Variants in FAM184B observed in about 807,000 individuals in gnomAD.
FAM184B encodes the protein protein FAM184B.
FAM184B carries 111 observed loss-of-function variants against 135.9 expected under a neutral mutation model. That is an observed-to-expected ratio of 0.82 (90% confidence interval 0.70 to 0.96). The LOEUF is 0.96. Ranked by LOEUF, FAM184B falls within the 40% of genes least tolerant of loss-of-function variation. The pLI is 0.00. For synonymous variants in FAM184B, 552 were observed against 524.8 expected (o/e 1.05, Z -0.71); for missense variants, 1,375 against 1,323.9 (o/e 1.04, Z -0.60).
chr4:17,693,443 A>G lies in FAM184B; in HGVS notation c.1378-31T>C, dbSNP rs1188679108. ...TGATGATTGGAAGAGTTAACCATAC[A>G]AGGCACGAAAACAGGACACTTAATG... On this transcript the variant is annotated intron_variant, in intron 5 of 17. Transcript: ENST00000265018. 5 of 1,526,828 alleles carry G rather than the reference A, an allele frequency of 3.3e-6. No individual in the cohort carries two copies. In the South Asian group the frequency reaches 6.0e-5, roughly 18 times the overall value. 94.6% of individuals were successfully genotyped at this position (1,526,828 alleles called of 1,614,324 possible).
At chr4:17,651,275 C>T (rs946229882) in intron 11 of FAM184B, among the ~76,000 whole-genome samples, 55 of 152,056 alleles carry the variant, frequency 3.6e-4, no homozygotes, top group African/African-American at 1.3e-3. Flanking sequence ...CAGTGGCTCA[C>T]GCCTGTAATC....
chr4:17,721,383 CAAA>C (rs61539641), intron 1 of FAM184B, among the ~76,000 whole-genome samples: 1,061 of 47,422 alleles, frequency 0.022, 42 homozygotes, highest in East Asian at 0.14. Flanking sequence ...GATTCTGTCT[CAAA>C]AAAAAAAAAA....
At chr4:17,703,417 G>C (rs1717032837) in intron 5 of FAM184B, among the ~76,000 whole-genome samples, 1 of 151,850 alleles carries the variant, frequency 6.6e-6, no homozygotes, top group African/African-American at 2.4e-5. Flanking sequence ...AGGATCCCTT[G>C]AGCCCAGGAG....
At chr4:17,722,945 A>G (rs2108973314) in intron 1 of FAM184B, among the ~76,000 whole-genome samples, 1 of 152,360 alleles carries the variant, frequency 6.6e-6, no homozygotes, top group South Asian at 2.1e-4. Context: ...ATCAAACCCT[A>G]TAACCATGCA....
intron 1 of FAM184B, among the ~76,000 whole-genome samples, chr4:17,719,905 TCAG>T (rs1439982402): frequency 4.6e-5 from 7 of 152,230 alleles, no homozygotes; most frequent in Non-Finnish European, 5.9e-5. Flanking sequence ...GTTCAACTTT[TCAG>T]CAGCATTAGA....
At chr4:17,765,509 G>T (rs568788943) in intron 1 of FAM184B, among the ~76,000 whole-genome samples, 1 of 150,882 alleles carries the variant, frequency 6.6e-6, no homozygotes, top group Non-Finnish European at 1.5e-5. Context: ...ACGATCCCTC[G>T]TATTGACAAT....
At position 17,632,030 on chromosome 4, in the gene FAM184B, TG is replaced by T. The variant is rs2108923362; in HGVS notation, c.*501del. 6.7e-6 allele frequency: 1 copy of T among 148,484 alleles called. No individual in the cohort carries two copies. Among genetic ancestry groups the T allele is most frequent in the Non-Finnish European group, 1.5e-5 (1 of 67,142 alleles). 9.2% of individuals were successfully genotyped at this position (148,484 alleles called of 1,614,324 possible). The stretch of plus-strand genomic sequence containing the variant: ...TCCTATAGATGACTTTTAATAACAC[TG>T]GTTTAATGTCAATTTTTTTTTTTTT... On this transcript the variant is annotated 3_prime_UTR_variant, in exon 18 of 18. Transcript: ENST00000265018.
chr4:17,651,768 A>C (rs996890657), intron 11 of FAM184B, among the ~76,000 whole-genome samples: 2 of 152,152 alleles, frequency 1.3e-5, no homozygotes, highest in Non-Finnish European at 2.9e-5. Flanking sequence ...CCAAAGTTAC[A>C]CAGCTAGTGA....
Position 17,766,987 on chromosome 4 carries a change from C to G in FAM184B, c.141+14172G>C, listed in dbSNP as rs981283853. ...ACCTGAGGCCCAGCGAGAATTCCAGCGCAGCGCCAGCGGGCCAGCACTGCT... is the reference window on the plus strand; with the variant it reads ...ACCTGAGGCCCAGCGAGAATTCCAGGGCAGCGCCAGCGGGCCAGCACTGCT... On this transcript the variant is annotated intron_variant, in intron 1 of 17. Transcript: ENST00000265018. 2.0e-5 allele frequency among the ~76,000 whole-genome samples: 3 copies of G among 152,326 alleles called. No individual in the cohort carries two copies. In the South Asian group the frequency reaches 6.2e-4, roughly 32 times the overall value.
At chr4:17,768,094 C>T (rs2108996180) in intron 1 of FAM184B, among the ~76,000 whole-genome samples, 1 of 152,350 alleles carries the variant, frequency 6.6e-6, no homozygotes, top group Non-Finnish European at 1.5e-5. Context: ...AATTTTCCAA[C>T]TGTCACAGAA....
chr4:17,639,193 C>T, intron 14 of FAM184B, 57 bp downstream of exon 14: 1 of 1,506,938 alleles, frequency 6.6e-7, no homozygotes, highest in South Asian at 1.2e-5. Context: ...GTGAGTTGGC[C>T]ACCCTACTGA....
intron 14 of FAM184B, among the ~76,000 whole-genome samples, chr4:17,638,615 A>G (rs1043022092): frequency 2.6e-5 from 4 of 152,168 alleles, no homozygotes; most frequent in Admixed American, 6.5e-5. Context: ...TGGGCATACA[A>G]TGGGTCCTTA....
chr4:17,696,321 G>A (rs1716856241), intron 5 of FAM184B, among the ~76,000 whole-genome samples: 1 of 152,196 alleles, frequency 6.6e-6, no homozygotes. Context: ...ACAGAAAAAT[G>A]CTTGACTGTG....
rs1715835703 is a variant in FAM184B, at chr4:17,658,563, C to A, written c.1825-1G>T. 1 of 1,550,480 alleles carries A rather than the reference C, an allele frequency of 6.4e-7. No individual in the cohort carries two copies. Among genetic ancestry groups the A allele is most frequent in the Admixed American group, 2.0e-5 (1 of 51,006 alleles). On this transcript the variant is annotated splice_acceptor_variant, in intron 9 of 17. Transcript: ENST00000265018. LOFTEE classifies it high-confidence loss of function. ...CCAGAGCCTGCTGCATCTGTGAGAC[C>A]TGCGCACAAGGCATCCTGCCCTCAG...
intron 11 of FAM184B, 62 bp from the exon 12 acceptor site, chr4:17,647,853 G>A: frequency 3.3e-6 from 5 of 1,497,870 alleles, no homozygotes; most frequent in Non-Finnish European, 4.5e-6. Flanking sequence ...TGTGTCATGG[G>A]GACAACAGTC....
At chr4:17,751,460 G>T (rs1560193205) in intron 1 of FAM184B, among the ~76,000 whole-genome samples, 1 of 152,100 alleles carries the variant, frequency 6.6e-6, no homozygotes, top group Non-Finnish European at 1.5e-5. Flanking sequence ...TGTGGCTGTG[G>T]TGACATCCCT....
At chr4:17,647,892 G>A in intron 11 of FAM184B, 101 bp from the exon 12 acceptor site, 1 of 1,325,980 alleles carries the variant, frequency 7.5e-7, no homozygotes, top group Non-Finnish European at 1.0e-6. Context: ...GACGTGGGTG[G>A]CTGCTGAAGG....
intron 5 of FAM184B, among the ~76,000 whole-genome samples, chr4:17,701,217 G>A (rs1716979343): frequency 6.6e-6 from 1 of 152,114 alleles, no homozygotes; most frequent in Non-Finnish European, 1.5e-5. Context: ...TTCAGTCAAT[G>A]GTAAATAAAC....
intron 1 of FAM184B, among the ~76,000 whole-genome samples, chr4:17,739,718 C>T (rs913379827): frequency 1.3e-5 from 2 of 151,726 alleles, no homozygotes; most frequent in Non-Finnish European, 2.9e-5. Context: ...TGATGTTCAA[C>T]TAATTTTTGT....
Sources: gnomAD v4.1 joint callset for allele counts (sites outside exome capture counted in the v4.1 genomes callset) on GRCh38, gnomAD v4.1.1 for gene constraint, MANE v1.5 for transcripts, NCBI Gene and HGNC (gene_info 2026-07-23, HGNC 2026-07-21) for gene names.